The following REDIC1 variants were observed in gnomAD, a reference collection of about 807,000 sequenced individuals.
The protein encoded by REDIC1 is HEI10 Interacting Protein 1.
chr12:39,813,813 G>T, the REDIC1 span, among the ~76,000 whole-genome samples: 2 of 152,136 alleles, frequency 1.3e-5, no homozygotes, highest in Non-Finnish European at 2.9e-5. Context: ...CAATTAAAAA[G>T]ATGTAATTGG....
the REDIC1 span, among the ~76,000 whole-genome samples, chr12:39,831,904 A>G: frequency 6.6e-6 from 1 of 152,298 alleles, no homozygotes; most frequent in Admixed American, 6.5e-5. Context: ...CGATGAGCCA[A>G]TTAATCCTCT....
At chr12:39,902,093 C>CA in the REDIC1 span, among the ~76,000 whole-genome samples, 2 of 148,752 alleles carry the variant, frequency 1.3e-5, no homozygotes, top group South Asian at 2.1e-4. Context: ...ATCGCAAGGA[C>CA]AAAAAACCAA....
the REDIC1 span, among the ~76,000 whole-genome samples, chr12:39,887,822 T>A: frequency 6.6e-6 from 1 of 152,240 alleles, no homozygotes; most frequent in Non-Finnish European, 1.5e-5. Context: ...TGTTTATTCT[T>A]GTCATTGAAT....
the REDIC1 span, among the ~76,000 whole-genome samples, chr12:39,750,004 GCACAAGA>G: frequency 2.0e-5 from 3 of 152,134 alleles, no homozygotes; most frequent in African/African-American, 7.2e-5. Flanking sequence ...TTGAAACCTG[GCACAAGA>G]CAGGGATGCC....
the REDIC1 span, chr12:39,646,950 C>A: frequency 1.5e-5 from 17 of 1,116,060 alleles, no homozygotes; most frequent in Non-Finnish European, 1.9e-5. Context: ...ACCTAATGAT[C>A]TAAATGTCTG....
At chr12:39,628,306 G>T in the REDIC1 span, among the ~76,000 whole-genome samples, 2 of 152,024 alleles carry the variant, frequency 1.3e-5, no homozygotes, top group Non-Finnish European at 2.9e-5. Context: ...AAAAAAAATG[G>T]GTGTCTCCAT....
the REDIC1 span, among the ~76,000 whole-genome samples, chr12:39,854,939 C>T: frequency 1.1e-4 from 17 of 152,280 alleles, no homozygotes; most frequent in African/African-American, 3.8e-4. Context: ...TCCTCTGTGA[C>T]GGGTCCTTAA....
the REDIC1 span, among the ~76,000 whole-genome samples, chr12:39,771,389 G>A: frequency 1.3e-5 from 2 of 152,252 alleles, no homozygotes; most frequent in East Asian, 1.9e-4. Context: ...GAAGCAAGTC[G>A]CCATGCTGTA....
chr12:39,646,413 C>G, the REDIC1 span: 2 of 1,488,534 alleles, frequency 1.3e-6, no homozygotes, highest in Non-Finnish European at 1.8e-6. Context: ...CTTACAATGT[C>G]GCCTCACTGT....
the REDIC1 span, among the ~76,000 whole-genome samples, chr12:39,833,265 A>C: frequency 6.6e-6 from 1 of 152,114 alleles, no homozygotes; most frequent in South Asian, 2.1e-4. Flanking sequence ...AGCTGAAAAT[A>C]TTTCCTATCT....
chr12:39,893,012 G>C, the REDIC1 span, among the ~76,000 whole-genome samples: 1 of 152,056 alleles, frequency 6.6e-6, no homozygotes, highest in Non-Finnish European at 1.5e-5. Flanking sequence ...TTTGCTTTAA[G>C]CTACTCTAAA....
At chr12:39,665,175 A>C in the REDIC1 span, among the ~76,000 whole-genome samples, 19 of 152,096 alleles carry the variant, frequency 1.2e-4, no homozygotes, top group African/African-American at 4.6e-4. Context: ...GGTATTGCCT[A>C]GGTTTTCTTC....
the REDIC1 span, among the ~76,000 whole-genome samples, chr12:39,797,754 A>T: frequency 1.3e-5 from 2 of 152,062 alleles, no homozygotes; most frequent in Non-Finnish European, 2.9e-5. Flanking sequence ...ACACACACAC[A>T]CACACACACA....
At chr12:39,839,022 G>GCTCA in the REDIC1 span, among the ~76,000 whole-genome samples, 1 of 152,044 alleles carries the variant, frequency 6.6e-6, no homozygotes, top group African/African-American at 2.4e-5. Context: ...AGGTAATTGT[G>GCTCA]CTCACTCACT....
the REDIC1 span, among the ~76,000 whole-genome samples, chr12:39,844,106 T>C: frequency 4.6e-5 from 7 of 152,088 alleles, no homozygotes; most frequent in Non-Finnish European, 1.0e-4. Flanking sequence ...TCTCTCTTCA[T>C]ATTTGTATAA....
chr12:39,661,710 G>A, the REDIC1 span, among the ~76,000 whole-genome samples: 1 of 151,992 alleles, frequency 6.6e-6, no homozygotes, highest in South Asian at 2.1e-4. Flanking sequence ...TGAAGTCTAA[G>A]TCATAAAATC....
chr12:39,646,954 A>G, the REDIC1 span: 3 of 1,069,544 alleles, frequency 2.8e-6, no homozygotes, highest in Non-Finnish European at 4.1e-6. Flanking sequence ...AATGATCTAA[A>G]TGTCTGAATA....
At chr12:39,830,644 C>G in the REDIC1 span, among the ~76,000 whole-genome samples, 1 of 152,134 alleles carries the variant, frequency 6.6e-6, no homozygotes, top group Non-Finnish European at 1.5e-5. Flanking sequence ...ACCTCATACA[C>G]CATCTATTTT....
At chr12:39,895,867 C>T in the REDIC1 span, among the ~76,000 whole-genome samples, 91 of 11,254 alleles carry the variant, frequency 8.1e-3, 15 homozygotes, top group East Asian at 0.045. Flanking sequence ...CGTGTATATG[C>T]ACACACATAT....
Sources: allele counts gnomAD v4.1 joint callset (sites outside exome capture counted in the v4.1 genomes callset), GRCh38; gene constraint gnomAD v4.1.1; transcripts MANE v1.5; gene names NCBI Gene and HGNC (gene_info 2026-07-23, HGNC 2026-07-21).